The following ARHGAP29 variants were observed in gnomAD, a reference collection of about 807,000 sequenced individuals.
The protein encoded by ARHGAP29 is rho GTPase-activating protein 29.
Under a neutral mutation model 122.6 loss-of-function variants are expected in ARHGAP29, and 43 were observed. The observed-to-expected ratio is 0.35, with a 90% CI of 0.27 to 0.45. ARHGAP29 has a LOEUF of 0.45. ARHGAP29 is among the 20% of genes least tolerant of loss of function. The pLI is 1.00. For missense variants in ARHGAP29, 1,303 were observed against 1,477.2 expected (o/e 0.88, Z 1.93); for synonymous variants, 506 against 497.1 (o/e 1.02, Z -0.24).
chr1:94,277,165 T>TCAA (rs1280728659), upstream of ARHGAP29, among the ~76,000 whole-genome samples: 2 of 152,212 alleles, frequency 1.3e-5, no homozygotes, highest in Non-Finnish European at 2.9e-5. Context: ...TGGAATGTAT[T>TCAA]TTTATTCTAA....
intron 2 of ARHGAP29, among the ~76,000 whole-genome samples, chr1:94,222,458 C>CT (rs1487049817): frequency 1.3e-5 from 2 of 152,184 alleles, no homozygotes; most frequent in African/African-American, 4.8e-5. Flanking sequence ...GAAAACAACA[C>CT]TTTACATCTG....
chr1:94,246,685 T>C (rs1483339429), intron 1 of ARHGAP29, among the ~76,000 whole-genome samples: 1 of 152,160 alleles, frequency 6.6e-6, no homozygotes, highest in Non-Finnish European at 1.5e-5. Context: ...GGGAGGAACG[T>C]CCTTGGCTGC....
At chr1:94,204,085 A>G in intron 7 of ARHGAP29, 91 bp from the exon 8 acceptor site, 1 of 932,744 alleles carries the variant, frequency 1.1e-6, no homozygotes, top group Non-Finnish European at 1.7e-6. Flanking sequence ...TCCACAATTA[A>G]GAAGTGATCA....
rs1648733619 is a variant in ARHGAP29 at position 94,171,453 on chromosome 1, C to T, written c.*2416G>A. On this transcript the variant is annotated 3_prime_UTR_variant, in exon 23 of 23. Transcript: ENST00000260526. ...GCATCATCTTGGACAATACGCCTCC[C>T]ACAAGGCTTCCTGGTGTTCTGGCAG... Among the ~76,000 whole-genome samples, 1 of 152,178 alleles carries T rather than the reference C, an allele frequency of 6.6e-6. No homozygotes were observed. The highest frequency in any genetic ancestry group is 2.1e-4 in the South Asian group (1 of 4,826).
chr1:94,260,253 CTT>C (rs1654509135), intron 1 of ARHGAP29, among the ~76,000 whole-genome samples: 1 of 152,204 alleles, frequency 6.6e-6, no homozygotes. Context: ...CTCAGTTTCC[CTT>C]TTGAGACTAC....
chr1:94,302,808 C>T, the ARHGAP29 span: 11 of 244,508 alleles, frequency 4.5e-5, no homozygotes, highest in East Asian at 4.5e-4. Flanking sequence ...GGTGGTGAAG[C>T]GGCATCGGAG....
chr1:94,220,801 A>G (rs1652247578), intron 2 of ARHGAP29, among the ~76,000 whole-genome samples: 1 of 152,170 alleles, frequency 6.6e-6, no homozygotes, highest in Non-Finnish European at 1.5e-5. Context: ...CATTTTTAAA[A>G]TTATGATATA....
intron 1 of ARHGAP29, among the ~76,000 whole-genome samples, chr1:94,251,240 G>T (rs1245921456): frequency 2.0e-5 from 3 of 147,128 alleles, no homozygotes; most frequent in African/African-American, 7.6e-5. Context: ...GCGCAATCTT[G>T]GCTTACTGCA....
In ARHGAP29 at chr1:94,172,101, T is replaced by C; in HGVS notation, c.*1768A>G. 6.6e-6 allele frequency: 1 copy of C among 152,186 alleles called. No individual in the cohort carries two copies. The highest frequency in any genetic ancestry group is 1.9e-4 in the East Asian group (1 of 5,192). 9.4% of individuals were successfully genotyped at this position (152,186 alleles called of 1,614,324 possible). On this transcript the variant is annotated 3_prime_UTR_variant, in exon 23 of 23. Transcript: ENST00000260526. ...TCACAGTCATTAAGAGCACTAACCA[T>C]CAAAATCTGACAGCCCTATGTTTGA...
the ARHGAP29 span, among the ~76,000 whole-genome samples, chr1:94,301,767 C>A: frequency 6.6e-6 from 1 of 152,154 alleles, no homozygotes; most frequent in Non-Finnish European, 1.5e-5. Context: ...GGCCCTTAAC[C>A]TACATGCATC....
At chr1:94,314,256 T>C in the ARHGAP29 span, among the ~76,000 whole-genome samples, 1 of 152,212 alleles carries the variant, frequency 6.6e-6, no homozygotes, top group Non-Finnish European at 1.5e-5. Flanking sequence ...GGTTTAAGAA[T>C]GAACTTCCAG....
chr1:94,193,535 C>G (rs200827272), intron 12 of ARHGAP29: 3 of 152,066 alleles, frequency 2.0e-5, no homozygotes, highest in Admixed American at 6.5e-5. Context: ...AAAAATCCCA[C>G]AAAAACAGCC....
upstream of ARHGAP29, among the ~76,000 whole-genome samples, chr1:94,275,726 TA>T (rs550220648): frequency 4.0e-5 from 6 of 151,716 alleles, no homozygotes; most frequent in East Asian, 5.8e-4. Flanking sequence ...AGGGTTTTTT[TA>T]AAAAAAAGGA....
At chr1:94,229,522 A>G (rs1652805116) in intron 2 of ARHGAP29, among the ~76,000 whole-genome samples, 1 of 151,822 alleles carries the variant, frequency 6.6e-6, no homozygotes, top group Admixed American at 6.6e-5. Flanking sequence ...CAAAAAATCA[A>G]CCCAAAGGTA....
At chr1:94,195,526 CAAATT>C (rs531150691) in intron 12 of ARHGAP29, 11 of 151,846 alleles carry the variant, frequency 7.2e-5, no homozygotes, top group Non-Finnish European at 1.5e-4. Flanking sequence ...ACCCAGTAGA[CAAATT>C]AAAATATATG....
intron 12 of ARHGAP29, chr1:94,195,703 G>A (rs1036310894): frequency 6.6e-6 from 1 of 151,854 alleles, no homozygotes; most frequent in African/African-American, 2.4e-5. Flanking sequence ...TTATAAGATA[G>A]TGCCAAAATA....
At chr1:94,246,616 G>GGGT (rs951983881) in intron 1 of ARHGAP29, among the ~76,000 whole-genome samples, 1 of 152,128 alleles carries the variant, frequency 6.6e-6, no homozygotes, top group Non-Finnish European at 1.5e-5. Context: ...TTTTAAAGAG[G>GGGT]GGTGGTGGTG....
chr1:94,207,210 C>T (rs1350846865), intron 5 of ARHGAP29, among the ~76,000 whole-genome samples: 4 of 151,856 alleles, frequency 2.6e-5, no homozygotes, highest in Admixed American at 2.0e-4. Flanking sequence ...GGTTTCGCCA[C>T]GTTGGCCAGG....
chr1:94,214,006 C>T (rs1221078387), intron 3 of ARHGAP29, among the ~76,000 whole-genome samples: 1 of 152,038 alleles, frequency 6.6e-6, no homozygotes, highest in Admixed American at 6.5e-5. Flanking sequence ...GTTGGACAAG[C>T]TTCTCTCTAT....
Sources: gnomAD v4.1 joint callset for allele counts (sites outside exome capture counted in the v4.1 genomes callset) on GRCh38, gnomAD v4.1.1 for gene constraint, MANE v1.5 for transcripts, NCBI Gene and HGNC (gene_info 2026-07-23, HGNC 2026-07-21) for gene names.